The following ATG4D variants were observed in gnomAD, a reference collection of about 807,000 sequenced individuals.
ATG4D encodes cysteine protease ATG4D.
ATG4D carries 51 observed loss-of-function variants against 55.2 expected under a neutral mutation model. That is an observed-to-expected ratio of 0.92 (90% CI 0.74 to 1.17). ATG4D has a LOEUF of 1.17. ATG4D is among the 50% of genes most tolerant of loss of function. ATG4D has a pLI of 0.00. For missense variants in ATG4D, 635 were observed against 649.6 expected (o/e 0.98, Z 0.25); for synonymous variants, 268 against 266.2 (o/e 1.01, Z -0.07).
At position 10,553,401 on chromosome 19, in the gene ATG4D, T is replaced by A. The variant is rs1407775894; in HGVS notation, c.*334T>A. 1 of 253,526 alleles carries A rather than the reference T, an allele frequency of 3.9e-6. No homozygotes were observed. The highest frequency in any genetic ancestry group is 2.2e-5 in the African/African-American group (1 of 45,652). 15.7% of individuals were successfully genotyped at this position (253,526 alleles called of 1,614,324 possible). On this transcript the variant is annotated 3_prime_UTR_variant, in exon 10 of 10. Coordinates refer to ENST00000309469, the MANE Select transcript of ATG4D (RefSeq NM_032885.6). ...GGGAACTGTGGCTGCTGGGGGCCAA[T>A]AAAGCTGTGTAACTTGATCGTGGGT...
rs372408468 is a variant in ATG4D, at chr19:10,552,364, T to C, written c.1242+40T>C. On this transcript the variant is annotated intron_variant, in intron 9 of 9. Coordinates refer to ENST00000309469, the MANE Select transcript of ATG4D (RefSeq NM_032885.6). ...AGCTGGAGTGGGGTGAGGGGGGCGGTTGGGCAGGGCTGGGGGTGAAAGAGG... is the reference window on the plus strand; with the variant it reads ...AGCTGGAGTGGGGTGAGGGGGGCGGCTGGGCAGGGCTGGGGGTGAAAGAGG... The C allele has an allele frequency of 2.1e-5, 34 of 1,585,928 alleles. No individual in the cohort carries two copies. The Admixed American group carries it at 3.9e-4, about 18-fold the overall frequency.
chr19:10,550,009 C>A lies in ATG4D; in HGVS notation c.966+975C>A, dbSNP rs139718563. Among the ~76,000 whole-genome samples, 720 of 152,192 alleles carry A rather than the reference C, an allele frequency of 4.7e-3. 5 individuals are homozygous for A. The highest frequency in any genetic ancestry group is 0.01 in the South Asian group (49 of 4,822). ...CAACATAGTGAGACCCCCATCTCTA[C>A]ACAATTTTTTTTGAAAATATTCGAG... On this transcript the variant is annotated intron_variant, in intron 6 of 9. Transcript: ENST00000309469.
intron 3 of ATG4D, 126 bp downstream of exon 3, chr19:10,545,256 A>G: frequency 7.8e-7 from 1 of 1,282,028 alleles, no homozygotes; most frequent in Non-Finnish European, 1.1e-6. Context: ...TAAGTTTTGG[A>G]GAGATGAGAG....
Position 10,546,838 on chromosome 19 carries a change from G to A in ATG4D, c.494-1G>A. On this transcript the variant is annotated splice_acceptor_variant, in intron 3 of 9. Coordinates refer to ENST00000309469, the MANE Select transcript of ATG4D (RefSeq NM_032885.6). LOFTEE classifies it high-confidence loss of function. ...TTTGACTATGTGCTCCATTCCACCA[G>A]ACTGGACATGGGCCGAGGGCATGGG... is the stretch of plus-strand genomic sequence containing the variant. The A allele has an allele frequency of 6.4e-7, 1 of 1,574,294 alleles. No individual in the cohort carries two copies. The highest frequency in any genetic ancestry group is 1.3e-5 in the African/African-American group (1 of 74,210).
chr19:10,544,029 C>T lies in ATG4D; in HGVS notation c.-62C>T, dbSNP rs10423320. The T allele has an allele frequency of 0.14, 162,349 of 1,155,218 alleles. 11,705 individuals are homozygous for T. The highest frequency in any genetic ancestry group is 0.18 in the South Asian group (4,007 of 22,132). The allele number at this position is 1,155,218 out of a possible 1,614,324, so 71.6% of individuals were successfully genotyped here. ...GCCCCGTGAACCGGCTGCGGGTCGC[C>T]CTTGGGGGGCAGCGGCCGCAGCCCC... On this transcript the variant is annotated 5_prime_UTR_variant, in exon 1 of 10. Transcript: ENST00000309469.
intron 1 of ATG4D, 28 bp downstream of exon 1, chr19:10,544,353 G>T: frequency 7.7e-7 from 1 of 1,301,974 alleles, no homozygotes; most frequent in Non-Finnish European, 9.8e-7. Flanking sequence ...AGATCGTGGG[G>T]GTGTCGGGGG....
At chr19:10,550,581 T>A (rs1774044174) in intron 6 of ATG4D, among the ~76,000 whole-genome samples, 1 of 152,040 alleles carries the variant, frequency 6.6e-6, no homozygotes, top group African/African-American at 2.4e-5. Flanking sequence ...CTTGACCTCA[T>A]ATCCTCCTCC....
intron 5 of ATG4D, 122 bp from the exon 6 acceptor site, chr19:10,548,782 A>T: frequency 1.4e-6 from 2 of 1,388,820 alleles, no homozygotes; most frequent in Middle Eastern, 2.7e-4. Context: ...GATTTTGGTT[A>T]GTGATGACAG....
chr19:10,545,135 G>A lies in ATG4D; in HGVS notation c.493+5G>A. ...TGCTGCATTTCCTGCCCAGAGGTGA[G>A]CCATAGGGGGGAAGGGGTGCACTAG... On this transcript the variant is annotated splice_donor_5th_base_variant and intron_variant, in intron 3 of 9. Transcript: ENST00000309469. The A allele has an allele frequency of 6.2e-7, 1 of 1,607,762 alleles. No homozygotes were observed.
At chr19:10,544,642 C>A in intron 1 of ATG4D, 141 bp from the exon 2 acceptor site, 1 of 1,466,552 alleles carries the variant, frequency 6.8e-7, no homozygotes, top group South Asian at 1.4e-5. Flanking sequence ...TCACTGGGGG[C>A]CCCACCTCCG....
At chr19:10,551,291 G>A (rs377142188) in intron 6 of ATG4D, among the ~76,000 whole-genome samples, 5 of 151,842 alleles carry the variant, frequency 3.3e-5, no homozygotes, top group East Asian at 1.9e-4. Context: ...GTGAAACCTC[G>A]TCTCTACTAA....
rs1183874326 is a variant in ATG4D at position 10,547,247 on chromosome 19, T to A, written c.829T>A (p.Cys277Ser). The A allele has an allele frequency of 6.2e-7, 1 of 1,613,504 alleles. No homozygotes were observed. The highest frequency in any genetic ancestry group is 1.7e-5 in the Admixed American group (1 of 60,006). The change falls in exon 5 of 10, where the codon TGC (cysteine) becomes AGC (serine). Residue 277 changes from cysteine to serine, a missense_variant. Physicochemically the swap from Cys to Ser is moderately radical, Grantham distance 112. Transcript: ENST00000309469. ...TRLVVYVSQD[C>S]TVYKADVARL... Reference sequence around the variant, plus strand: ...CCTGGTGGTGTACGTTTCTCAGGACTGCACAGGTAAGGGGCTGGGAGCCAA... The same window carrying A: ...CCTGGTGGTGTACGTTTCTCAGGACAGCACAGGTAAGGGGCTGGGAGCCAA...
chr19:10,546,644 G>A (rs929772264), intron 3 of ATG4D, among the ~76,000 whole-genome samples, 195 bp from the exon 4 acceptor site: 6 of 152,070 alleles, frequency 3.9e-5, no homozygotes, highest in East Asian at 3.9e-4. Context: ...ATGAGCCACC[G>A]CGTCTGGCTG....
Position 10,546,836 on chromosome 19 carries a change from C to T in ATG4D, c.494-3C>T, listed in dbSNP as rs765787734. On this transcript the variant is annotated splice_polypyrimidine_tract_variant and splice_region_variant and intron_variant, in intron 3 of 9. Transcript: ENST00000309469. Reference sequence around the variant, plus strand: ...TGTTTGACTATGTGCTCCATTCCACCAGACTGGACATGGGCCGAGGGCATG... The same window carrying T: ...TGTTTGACTATGTGCTCCATTCCACTAGACTGGACATGGGCCGAGGGCATG... The T allele has an allele frequency of 6.4e-7, 1 of 1,569,906 alleles. No individual in the cohort carries two copies. The highest frequency in any genetic ancestry group is 1.8e-5 in the Admixed American group (1 of 55,810).
chr19:10,545,024 G>C lies in ATG4D; in HGVS notation c.387G>C (p.Pro129=), dbSNP rs755809147. The change falls in exon 3 of 10, where the codon CCG becomes CCC. Residue 129 remains proline, a synonymous_variant. Coordinates refer to ENST00000309469, the MANE Select transcript of ATG4D (RefSeq NM_032885.6). ...RLWLTYRRDF[P]PLPGGCLTSD... is the part of the protein sequence containing the mutation. ...GGCTCACATACCGCCGGGACTTCCC[G>C]CCCCTTCCTGGGGGCTGCCTGACCT... 4 of 1,611,494 alleles carry C rather than the reference G, an allele frequency of 2.5e-6. No individual in the cohort carries two copies. The highest frequency in any genetic ancestry group is 1.7e-5 in the Admixed American group (1 of 59,478).
chr19:10,543,960 G>A lies in ATG4D; in HGVS notation c.-131G>A. Reference sequence around the variant, plus strand: ...GTAGCAGCGGCGGCGGCTGTTGCCTGGCCCGGTACCCTGGGGACGGGGGCC... The same window carrying A: ...GTAGCAGCGGCGGCGGCTGTTGCCTAGCCCGGTACCCTGGGGACGGGGGCC... On this transcript the variant is annotated 5_prime_UTR_variant, in exon 1 of 10. An upstream open reading frame in the 5' UTR gains an earlier in-frame stop. Transcript: ENST00000309469. 1 of 528,410 alleles carries A rather than the reference G, an allele frequency of 1.9e-6. No individual in the cohort carries two copies. The highest frequency in any genetic ancestry group is 1.0e-4 in the South Asian group (1 of 9,798). The allele number at this position is 528,410 out of a possible 1,614,324, so 32.7% of individuals were successfully genotyped here. A position where few individuals can be genotyped will look rare whatever the true frequency, so the allele number is the denominator to read the frequency against.
At chr19:10,545,151 G>A in intron 3 of ATG4D, 21 bp downstream of exon 3, 4 of 1,603,994 alleles carry the variant, frequency 2.5e-6, no homozygotes, top group Non-Finnish European at 2.5e-6. Context: ...GGGGGGAAGG[G>A]GTGCACTAGG....
Position 10,552,227 on chromosome 19 carries a change from G to GCAAGATGGCCTTTGC in ATG4D, c.1154_1168dup (p.Ala385_Met389dup). 15 of 1,613,172 alleles carry GCAAGATGGCCTTTGC rather than the reference G, an allele frequency of 9.3e-6. No homozygotes were observed. The highest frequency in any genetic ancestry group is 1.3e-5 in the Non-Finnish European group (15 of 1,180,016). On this transcript the variant is annotated inframe_insertion, in exon 9 of 10. Coordinates refer to ENST00000309469, the MANE Select transcript of ATG4D (RefSeq NM_032885.6). Reference sequence around the variant, plus strand: ...CAGTCCTTCCACTGCACCTCGCCCCGCAAGATGGCCTTTGCCAAGATGGAC... The same window carrying GCAAGATGGCCTTTGC: ...CAGTCCTTCCACTGCACCTCGCCCCGCAAGATGGCCTTTGCCAAGATGGCCTTTGCCAAGATGGAC...
chr19:10,546,689 T>C (rs1314448779), intron 3 of ATG4D, 150 bp from the exon 4 acceptor site: 1 of 812,896 alleles, frequency 1.2e-6, no homozygotes, highest in Non-Finnish European at 1.8e-6. Flanking sequence ...AATAAATAAA[T>C]AAATAAGGAT....
Sources: gnomAD v4.1 joint callset for allele counts (sites outside exome capture counted in the v4.1 genomes callset) on GRCh38, gnomAD v4.1.1 for gene constraint, MANE v1.5 for transcripts, NCBI Gene and HGNC (gene_info 2026-07-23, HGNC 2026-07-21) for gene names.